FBLN1: variants seen among roughly 807,000 people sequenced by gnomAD.
FBLN1 encodes fibulin 1.
Under a neutral mutation model 89.7 loss-of-function variants are expected in FBLN1, and 34 were observed. That is an observed-to-expected ratio of 0.38 (90% confidence interval 0.29 to 0.50). The LOEUF (loss-of-function observed/expected upper bound fraction) is 0.50. FBLN1 is among the 20% of genes least tolerant of loss of function. The pLI is 0.92. For missense variants in FBLN1, 777 were observed against 988.1 expected (o/e 0.79, Z 2.86); for synonymous variants, 393 against 391.3 (o/e 1.00, Z -0.05).
intron 4 of FBLN1, 73 bp downstream of exon 4, chr22:45,528,082 GGA>G (rs757321963): frequency 8.8e-5 from 135 of 1,532,522 alleles, no homozygotes; most frequent in Non-Finnish European, 1.1e-4. Flanking sequence ...GAGCGAGAGT[GGA>G]GAGAGAGAGA....
intron 1 of FBLN1, among the ~76,000 whole-genome samples, chr22:45,512,192 G>C (rs1284513730): frequency 1.3e-5 from 2 of 151,962 alleles, no homozygotes; most frequent in Non-Finnish European, 2.9e-5. Context: ...GGAAGAAGCA[G>C]GCGTGGCTTC....
At chr22:45,539,132 C>T (rs1405881265) in intron 8 of FBLN1, among the ~76,000 whole-genome samples, 79 of 128,658 alleles carry the variant, frequency 6.1e-4, no homozygotes, top group Non-Finnish European at 9.6e-4. Flanking sequence ...CCTCCCCTCC[C>T]ACTTCCCTCC....
intron 1 of FBLN1, among the ~76,000 whole-genome samples, chr22:45,510,331 T>A (rs552756261): frequency 8.5e-5 from 13 of 152,058 alleles, no homozygotes; most frequent in Non-Finnish European, 1.6e-4. Context: ...CAGTGGAAAT[T>A]TTGCCAGAGC....
chr22:45,536,542 A>T lies in FBLN1; in HGVS notation c.922+1205A>T, dbSNP rs1388339673. Among the ~76,000 whole-genome samples the T allele has an allele frequency of 6.6e-6, 1 of 152,184 alleles. No homozygotes were observed. The highest frequency in any genetic ancestry group is 1.5e-5 in the Non-Finnish European group (1 of 68,034). On this transcript the variant is annotated intron_variant, in intron 8 of 16. Transcript: ENST00000327858. The surrounding 1 kb of genome is among the most constrained non-coding windows in gnomAD (Gnocchi z 5.1). ...CACTTTGGGAGGCCGAGGAGGGTGG[A>T]TCACCTGAGGTCAGGAGTTTGAGAC...
chr22:45,528,929 G>C (rs2088367273), intron 4 of FBLN1, among the ~76,000 whole-genome samples: 1 of 152,162 alleles, frequency 6.6e-6, no homozygotes, highest in Admixed American at 6.5e-5. Context: ...TGTGTACCTT[G>C]GTCCCCTCAT....
chr22:45,564,272 A>G (rs1384557694), intron 14 of FBLN1, among the ~76,000 whole-genome samples: 1 of 151,238 alleles, frequency 6.6e-6, no homozygotes, highest in East Asian at 1.9e-4. Flanking sequence ...GCGTCCATTC[A>G]CCTCCCCTAC....
chr22:45,530,423 C>T lies in FBLN1; in HGVS notation c.485-842C>T, dbSNP rs1183521600. On this transcript the variant is annotated intron_variant, in intron 4 of 16. Transcript: ENST00000327858. This position sits in a 1 kb window ranked among gnomAD's most constrained non-coding sequence, Gnocchi z 5.4. ...TCCCTCCTCTGGGAGGGCTTCCTGT[C>T]TTCACAGCCGCACCTTCCTCCCACT... is the stretch of plus-strand genomic sequence containing the variant. 6.6e-6 allele frequency among the ~76,000 whole-genome samples: 1 copy of T among 152,170 alleles called. No homozygotes were observed. Among genetic ancestry groups the T allele is most frequent in the East Asian group, 1.9e-4 (1 of 5,192 alleles).
intron 12 of FBLN1, 38 bp from the exon 13 acceptor site, chr22:45,548,575 C>T (rs965891387): frequency 6.2e-7 from 1 of 1,612,542 alleles, no homozygotes; most frequent in Non-Finnish European, 8.5e-7. Context: ...TGGCCAGGTG[C>T]CAGGACACTG....
intron 16 of FBLN1, among the ~76,000 whole-genome samples, chr22:45,598,084 CAG>C (rs2089201310): frequency 6.6e-6 from 1 of 152,198 alleles, no homozygotes. Context: ...GAACTGTTCA[CAG>C]AATCCAGCCT....
chr22:45,516,069 C>T (rs754084610), intron 1 of FBLN1, among the ~76,000 whole-genome samples: 8 of 151,886 alleles, frequency 5.3e-5, no homozygotes, highest in African/African-American at 1.2e-4. Context: ...GCGCCAGGCA[C>T]GGGGTGATAT....
chr22:45,523,166 G>A, intron 2 of FBLN1: 1 of 778,924 alleles, frequency 1.3e-6, no homozygotes, highest in Non-Finnish European at 2.4e-6. Flanking sequence ...GAGCATCCCA[G>A]GCCGAGGGAA....
At chr22:45,527,729 C>A in intron 3 of FBLN1, 118 bp from the exon 4 acceptor site, 1 of 1,021,614 alleles carries the variant, frequency 9.8e-7, no homozygotes, top group South Asian at 1.3e-5. Context: ...AGACTTGAGT[C>A]ATCACTCTAC....
chr22:45,589,248 A>G (rs922771362), intron 16 of FBLN1, among the ~76,000 whole-genome samples: 2 of 152,042 alleles, frequency 1.3e-5, no homozygotes, highest in African/African-American at 4.8e-5. Context: ...GGCTCAGGTG[A>G]CATGAATTAA....
intron 16 of FBLN1, among the ~76,000 whole-genome samples, chr22:45,584,902 T>C (rs1212010642): frequency 6.6e-6 from 1 of 152,242 alleles, no homozygotes; most frequent in East Asian, 1.9e-4. Flanking sequence ...AGTCCTATCA[T>C]CCTTGAATTA....
rs543974014 is a variant in FBLN1, at chr22:45,549,359, G to A, written c.1573+615G>A. On this transcript the variant is annotated intron_variant, in intron 13 of 16. Coordinates refer to ENST00000327858, the MANE Select transcript of FBLN1 (RefSeq NM_006486.3). The surrounding 1 kb of genome is among the most constrained non-coding windows in gnomAD (Gnocchi z 5.7). Reference sequence around the variant, plus strand: ...CGCCCAGAAGCTGAGTCATGGAGGTGGGGCTGTCCAGCCAGTTCCTCGGGA... The same window carrying A: ...CGCCCAGAAGCTGAGTCATGGAGGTAGGGCTGTCCAGCCAGTTCCTCGGGA... Among the ~76,000 whole-genome samples the A allele has an allele frequency of 1.3e-5, 2 of 152,336 alleles. No homozygotes were observed. Among genetic ancestry groups the A allele is most frequent in the African/African-American group, 4.8e-5 (2 of 41,582 alleles).
rs1190043360 is a variant in FBLN1, at chr22:45,503,024, G to A, written c.39G>A (p.Pro13=). Residue 13 remains proline, a synonymous_variant, in exon 1 of 17, where the codon CCG becomes CCA. Coordinates refer to ENST00000327858, the MANE Select transcript of FBLN1 (RefSeq NM_006486.3). ...RAAPSRRVPL[P]LLLLGGLALL... is the part of the protein sequence containing the mutation. ...CGCCGTCGCGCCGGGTCCCGCTTCC[G>A]CTGCTGCTGCTCGGCGGCCTTGCGC... 2 of 1,248,716 alleles carry A rather than the reference G, an allele frequency of 1.6e-6. No individual in the cohort carries two copies. Among genetic ancestry groups the A allele is most frequent in the South Asian group, 3.3e-5 (1 of 30,576 alleles). 77.4% of individuals were successfully genotyped at this position (1,248,716 alleles called of 1,614,324 possible).
chr22:45,512,601 G>A (rs1168976088), intron 1 of FBLN1, among the ~76,000 whole-genome samples: 1 of 152,148 alleles, frequency 6.6e-6, no homozygotes, highest in Non-Finnish European at 1.5e-5. Context: ...ATATCCACAG[G>A]TGACCGGATC....
chr22:45,518,003 G>C (rs8142054), intron 1 of FBLN1, among the ~76,000 whole-genome samples: 42,309 of 151,326 alleles, frequency 0.28, 6,705 homozygotes, highest in East Asian at 0.55. Context: ...GTAGTGGTGG[G>C]CACCTGTAAT....
Position 45,578,375 on chromosome 22 carries a change from C to G in FBLN1, c.1972+1267C>G, listed in dbSNP as rs779293421. 2 of 152,250 alleles carry G rather than the reference C, an allele frequency of 1.3e-5. No individual in the cohort carries two copies. The highest frequency in any genetic ancestry group is 2.9e-5 in the Non-Finnish European group (2 of 68,046). 9.4% of individuals were successfully genotyped at this position (152,250 alleles called of 1,614,324 possible). On this transcript the variant is annotated intron_variant, in intron 16 of 16. Transcript: ENST00000327858. The surrounding 1 kb of genome is among the most constrained non-coding windows in gnomAD (Gnocchi z 4.6). ...GTCACTGGGGGGCTCCCCACCCCAG[C>G]CTCCTCCTGCGCTAGCTGGCAGCAG...
Sources: gnomAD v4.1 joint callset for allele counts (sites outside exome capture counted in the v4.1 genomes callset) on GRCh38, gnomAD v4.1.1 for gene constraint, Gnocchi (gnomAD v3.1) non-coding constraint, MANE v1.5 for transcripts, NCBI Gene and HGNC (gene_info 2026-07-23, HGNC 2026-07-21) for gene names.